LPP: variants seen among roughly 807,000 people sequenced by gnomAD.
LPP encodes lipoma-preferred partner.
Under a neutral mutation model 60.4 loss-of-function variants are expected in LPP, and 38 were observed. That is an observed-to-expected ratio of 0.63 (90% CI 0.49 to 0.83). The LOEUF (loss-of-function observed/expected upper bound fraction) is 0.83. LPP is among the 40% of genes least tolerant of loss of function. The probability of loss-of-function intolerance (pLI) is 0.00; values close to 1 mark genes in which losing one functional copy is unlikely to be tolerated. For missense variants in LPP, 902 were observed against 783.6 expected (o/e 1.15, Z -1.80); for synonymous variants, 328 against 290.8 (o/e 1.13, Z -1.30).
chr3:188,632,878 C>T (rs1042100472), intron 7 of LPP, among the ~76,000 whole-genome samples: 3 of 152,098 alleles, frequency 2.0e-5, no homozygotes, highest in African/African-American at 4.8e-5. Context: ...TTTTCTCATC[C>T]CCCATTTCCT....
chr3:188,430,866 T>G (rs1055548943), intron 4 of LPP, among the ~76,000 whole-genome samples: 2 of 152,114 alleles, frequency 1.3e-5, no homozygotes, highest in African/African-American at 4.8e-5. Context: ...TATGTAGAAG[T>G]TATTTGTTCC....
At chr3:188,163,294 G>T (rs1349691160) in intron 1 of LPP, among the ~76,000 whole-genome samples, 1 of 152,148 alleles carries the variant, frequency 6.6e-6, no homozygotes, top group East Asian at 1.9e-4. Context: ...CCTTTCATGG[G>T]CTGGATAAGC....
intron 2 of LPP, among the ~76,000 whole-genome samples, chr3:188,248,566 G>A (rs944753138): frequency 4.8e-5 from 7 of 146,760 alleles, no homozygotes; most frequent in Non-Finnish European, 1.0e-4. Flanking sequence ...TATTTTACCT[G>A]TTTCTGTTTC....
At chr3:188,842,870 C>A (rs758967359) in intron 9 of LPP, among the ~76,000 whole-genome samples, 7 of 152,086 alleles carry the variant, frequency 4.6e-5, no homozygotes, top group Non-Finnish European at 7.4e-5. Context: ...TTCCCTTATT[C>A]CTCTTTCTAT....
chr3:188,782,438 C>A (rs1740101309), intron 9 of LPP, among the ~76,000 whole-genome samples: 1 of 152,072 alleles, frequency 6.6e-6, no homozygotes, highest in African/African-American at 2.4e-5. Context: ...GGTTTTTCAT[C>A]TATAAAAGGA....
At chr3:188,649,073 C>G (rs1487775527) in intron 7 of LPP, among the ~76,000 whole-genome samples, 2 of 152,160 alleles carry the variant, frequency 1.3e-5, no homozygotes, top group East Asian at 3.8e-4. Flanking sequence ...TTGTCATTTT[C>G]AGTTTAATAG....
intron 8 of LPP, chr3:188,710,116 A>G (rs1162755414): frequency 6.6e-6 from 1 of 152,192 alleles, no homozygotes; most frequent in South Asian, 2.1e-4. Flanking sequence ...TTGCTTCTTC[A>G]AATATTTTCT....
chr3:188,853,576 T>G (rs1763159588), intron 9 of LPP, among the ~76,000 whole-genome samples: 2 of 152,048 alleles, frequency 1.3e-5, no homozygotes, highest in African/African-American at 4.8e-5. Flanking sequence ...GTAGGAGAGG[T>G]GACAGGCTAG....
intron 6 of LPP, among the ~76,000 whole-genome samples, chr3:188,605,198 G>C (rs1369128015): frequency 1.3e-5 from 2 of 152,142 alleles, no homozygotes; most frequent in Non-Finnish European, 2.9e-5. Context: ...GTGGACATTG[G>C]GAGACCAGTT....
At chr3:188,338,068 G>A (rs1486576255) in intron 2 of LPP, among the ~76,000 whole-genome samples, 1 of 152,146 alleles carries the variant, frequency 6.6e-6, no homozygotes, top group East Asian at 1.9e-4. Flanking sequence ...TTAGGCCAAA[G>A]CAATTTACTT....
In LPP at chr3:188,298,527, G is replaced by A. The variant is rs182357195; in HGVS notation, c.-66-43136G>A. On this transcript the variant is annotated intron_variant, in intron 2 of 11. Transcript: ENST00000617246. ...CAGAATTCAGCTCATCTCCCTAAAT[G>A]TTTGGGTCTGGACTAGGGCACACAC... is the stretch of plus-strand genomic sequence containing the variant. Among the ~76,000 whole-genome samples the A allele has an allele frequency of 1.8e-3, 281 of 152,280 alleles. 3 individuals are homozygous for A. Among genetic ancestry groups the A allele is most frequent in the African/African-American group, 6.4e-3 (267 of 41,544 alleles).
chr3:188,835,418 C>T, intron 9 of LPP, among the ~76,000 whole-genome samples: 1 of 150,916 alleles, frequency 6.6e-6, no homozygotes, highest in Non-Finnish European at 1.5e-5. Context: ...CTTGACTACC[C>T]TGGCCAACAT....
upstream of LPP, chr3:188,153,779 C>G (rs947666215): frequency 2.7e-5 from 4 of 149,546 alleles, no homozygotes; most frequent in African/African-American, 9.8e-5. Flanking sequence ...TGGACAAATG[C>G]GTGCAGGCAA....
chr3:188,873,636 G>A (rs2152057514), intron 11 of LPP, among the ~76,000 whole-genome samples: 1 of 151,862 alleles, frequency 6.6e-6, no homozygotes. Flanking sequence ...AGCTTGGTAA[G>A]GTAGAAAAGG....
At chr3:188,176,671 A>G (rs1240405630) in intron 1 of LPP, among the ~76,000 whole-genome samples, 1 of 152,196 alleles carries the variant, frequency 6.6e-6, no homozygotes, top group Non-Finnish European at 1.5e-5. Flanking sequence ...GACTAGTGGT[A>G]TAGCAGTGCA....
chr3:188,186,848 A>G (rs1474142380), intron 1 of LPP, among the ~76,000 whole-genome samples: 2 of 152,128 alleles, frequency 1.3e-5, no homozygotes, highest in Non-Finnish European at 2.9e-5. Flanking sequence ...TTATTTTATG[A>G]TAGGTAAGGA....
At position 188,872,698 on chromosome 3, in the gene LPP, C is replaced by A. The variant is rs1768440212; in HGVS notation, c.1645C>A (p.Gln549Lys). 1.2e-6 allele frequency: 2 copies of A among 1,614,052 alleles called. No homozygotes were observed. The highest frequency in any genetic ancestry group is 2.7e-5 in the African/African-American group (2 of 74,916). ...CKEPIMPAPG[Q>K]EETVRIVALD... Reference sequence around the variant, plus strand: ...GGAGCCTATTATGCCAGCCCCGGGCCAGGAGGAGACTGTCCGTATTGTGGC... The same window carrying A: ...GGAGCCTATTATGCCAGCCCCGGGCAAGGAGGAGACTGTCCGTATTGTGGC... Residue 549 changes from glutamine (Q) to lysine (K), a missense_variant, in exon 11 of 12, where the codon CAG (glutamine) becomes AAG (lysine). By Grantham distance (53) the Gln-to-Lys change is moderately conservative (BLOSUM62 1). Coordinates refer to ENST00000617246, the MANE Select transcript of LPP (RefSeq NM_001375462.1).
At chr3:188,381,541 C>G (rs1214354855) in intron 3 of LPP, among the ~76,000 whole-genome samples, 3 of 152,164 alleles carry the variant, frequency 2.0e-5, no homozygotes, top group Non-Finnish European at 4.4e-5. Flanking sequence ...TTGGGGAAAG[C>G]AAAGTACCCG....
At chr3:188,446,769 G>C (rs545383492) in intron 4 of LPP, among the ~76,000 whole-genome samples, 1 of 152,198 alleles carries the variant, frequency 6.6e-6, no homozygotes, top group African/African-American at 2.4e-5. Flanking sequence ...GGAGTGAGTT[G>C]CCCAGGGAAT....
Sources: allele counts gnomAD v4.1 joint callset (sites outside exome capture counted in the v4.1 genomes callset), GRCh38; gene constraint gnomAD v4.1.1; transcripts MANE v1.5; gene names NCBI Gene and HGNC (gene_info 2026-07-23, HGNC 2026-07-21).